Variants in CEP120 observed in about 807,000 individuals in gnomAD.
CEP120 encodes the protein centrosomal protein 120.
CEP120 carries 113 observed loss-of-function variants against 126.5 expected under a neutral mutation model. That is an observed-to-expected ratio of 0.89 (90% CI 0.77 to 1.04). The LOEUF (loss-of-function observed/expected upper bound fraction) is 1.04. Among genes scored for constraint, CEP120 ranks in the 50% least tolerant of loss-of-function variants. The probability of loss-of-function intolerance (pLI) is 0.00; values close to 1 mark genes in which losing one functional copy is unlikely to be tolerated. For synonymous variants in CEP120, 400 were observed against 394.3 expected (o/e 1.01, Z -0.17); for missense variants, 1,230 against 1,155.7 (o/e 1.06, Z -0.93).
chr5:123,422,967 A>T lies in CEP120; in HGVS notation c.32T>A (p.Val11Asp), dbSNP rs1330280997. The T allele has an allele frequency of 6.2e-7, 1 of 1,614,162 alleles. No individual in the cohort carries two copies. Among genetic ancestry groups the T allele is most frequent in the Non-Finnish European group, 8.5e-7 (1 of 1,180,006 alleles). ...CTGCTCACCTTCTAGGATGGACACG[A>T]CGATGAGCAATTGGTCGGATTTGGA... The part of the protein sequence containing the change: MVSKSDQLLI[V>D]VSILEGRHFP... The change falls in exon 1 of 20, where the codon GTC (valine) becomes GAC (aspartate). Residue 11 changes from valine to aspartate, a missense_variant. Val to Asp is a radical substitution (Grantham distance 152). Transcript: ENST00000306467.
chr5:123,401,949 G>C, intron 4 of CEP120: 1 of 1,578,474 alleles, frequency 6.3e-7, no homozygotes, highest in Non-Finnish European at 8.6e-7. Flanking sequence ...GTTGCTCCCG[G>C]CCGTCTTCTG....
chr5:123,373,285 CAGAG>C (rs1770973690), intron 16 of CEP120, among the ~76,000 whole-genome samples: 1 of 151,898 alleles, frequency 6.6e-6, no homozygotes, highest in Non-Finnish European at 1.5e-5. Context: ...GGAATAAAAA[CAGAG>C]AAAGAGATTA....
chr5:123,378,943 C>T (rs572813791), intron 14 of CEP120, among the ~76,000 whole-genome samples: 13 of 151,084 alleles, frequency 8.6e-5, no homozygotes, highest in African/African-American at 2.9e-4. Context: ...GTGGGACAAG[C>T]CAATAAAGCC....
intron 14 of CEP120, among the ~76,000 whole-genome samples, chr5:123,380,617 A>G (rs777139176): frequency 1.3e-5 from 2 of 152,124 alleles, no homozygotes; most frequent in African/African-American, 2.4e-5. Flanking sequence ...CACAAAGTGA[A>G]TTTGTCACGG....
chr5:123,419,242 T>G (rs1344819758), intron 1 of CEP120, among the ~76,000 whole-genome samples: 1 of 152,252 alleles, frequency 6.6e-6, no homozygotes, highest in Non-Finnish European at 1.5e-5. Flanking sequence ...ACACGAATTT[T>G]AGGTACTACT....
At chr5:123,392,926 A>G (rs1772501728) in intron 6 of CEP120, among the ~76,000 whole-genome samples, 2 of 152,360 alleles carry the variant, frequency 1.3e-5, no homozygotes, top group Non-Finnish European at 2.9e-5. Context: ...TAAGGCATAT[A>G]TATTTTGAAA....
chr5:123,378,994 C>G (rs184143797), intron 14 of CEP120, among the ~76,000 whole-genome samples: 19 of 151,386 alleles, frequency 1.3e-4, no homozygotes, highest in African/African-American at 4.1e-4. Context: ...GAAAGAGAGA[C>G]CAGTGAAGAC....
At chr5:123,348,654 T>TA (rs1768994417) in intron 19 of CEP120, among the ~76,000 whole-genome samples, 1 of 152,224 alleles carries the variant, frequency 6.6e-6, no homozygotes, top group Admixed American at 6.5e-5. Flanking sequence ...TACATGGAGA[T>TA]ATAATAAGAT....
chr5:123,390,244 G>C, intron 7 of CEP120, 104 bp from the exon 8 acceptor site: 2 of 867,714 alleles, frequency 2.3e-6, no homozygotes, highest in Non-Finnish European at 3.7e-6. Context: ...TCCTTTCCCA[G>C]TTTGGATATT....
At chr5:123,361,739 C>T (rs1770090259) in intron 18 of CEP120, among the ~76,000 whole-genome samples, 1 of 151,754 alleles carries the variant, frequency 6.6e-6, no homozygotes, top group South Asian at 2.1e-4. Flanking sequence ...TGACTGAACG[C>T]ACCACCACCA....
chr5:123,390,414 C>G (rs562994760), intron 7 of CEP120: 3 of 513,012 alleles, frequency 5.8e-6, no homozygotes, highest in African/African-American at 5.7e-5. Flanking sequence ...GCATAGGTGT[C>G]CCCGGGAATG....
In CEP120 at chr5:123,400,786, C is replaced by A. The variant is rs188177504; in HGVS notation, c.464-1502G>T. Reference sequence around the variant, plus strand: ...GGGGTCCCCAGGCAGTAAACTCCCCCGCGGGTGGACTGAGGCCTAGGGCTG... The same window carrying A: ...GGGGTCCCCAGGCAGTAAACTCCCCAGCGGGTGGACTGAGGCCTAGGGCTG... On this transcript the variant is annotated intron_variant, in intron 4 of 19. Coordinates refer to ENST00000306467, the MANE Select transcript of CEP120 (RefSeq NM_001375405.1). 4.3e-6 allele frequency: 3 copies of A among 701,492 alleles called. No homozygotes were observed. The Admixed American group carries it at 6.3e-5, about 15-fold the overall frequency. 43.5% of individuals were successfully genotyped at this position (701,492 alleles called of 1,614,324 possible).
At chr5:123,370,671 A>ATG (rs528627254) in intron 17 of CEP120, among the ~76,000 whole-genome samples, 4,041 of 89,240 alleles carry the variant, frequency 0.045, 176 homozygotes, top group African/African-American at 0.15. Flanking sequence ...ATATACATAT[A>ATG]TGTGTGTGTG....
chr5:123,359,769 A>C (rs533595543), intron 18 of CEP120, among the ~76,000 whole-genome samples: 79 of 152,102 alleles, frequency 5.2e-4, no homozygotes, highest in African/African-American at 1.8e-3. Context: ...ATCAAAAGAA[A>C]AGATTTTTTT....
chr5:123,399,402 T>C (rs1032108194), intron 4 of CEP120, 118 bp from the exon 5 acceptor site: 82 of 886,576 alleles, frequency 9.2e-5, no homozygotes, highest in Admixed American at 2.3e-4. Context: ...ACAGTTAATA[T>C]CTAATAAGGT....
chr5:123,362,530 C>T (rs1219069358), intron 18 of CEP120, among the ~76,000 whole-genome samples: 3 of 151,650 alleles, frequency 2.0e-5, no homozygotes, highest in Non-Finnish European at 3.0e-5. Context: ...TTCACTTTTG[C>T]ACCTACCTAA....
intron 6 of CEP120, among the ~76,000 whole-genome samples, chr5:123,392,501 C>G (rs575093102): frequency 6.6e-6 from 1 of 152,150 alleles, no homozygotes; most frequent in East Asian, 1.9e-4. Context: ...GTAATGCTTA[C>G]TAGGTAAGGT....
intron 18 of CEP120, among the ~76,000 whole-genome samples, chr5:123,364,246 A>C (rs1257995897): frequency 6.6e-6 from 1 of 151,632 alleles, no homozygotes; most frequent in Non-Finnish European, 1.5e-5. Context: ...AAAGTAAAAT[A>C]AATTATTCCC....
Position 123,406,412 on chromosome 5 carries a change from TGCTAG to T in CEP120, c.463+5982_463+5986del, listed in dbSNP as rs1160893542. ...AAATGCCAAAAAAAAAAAAACTTGC[TGCTAG>T]GCATCCCATATTAAAACATCAGAAA... On this transcript the variant is annotated intron_variant, in intron 4 of 19. Transcript: ENST00000306467. Among the ~76,000 whole-genome samples, 57 of 149,398 alleles carry T rather than the reference TGCTAG, an allele frequency of 3.8e-4. 1 individual carries two copies. The highest frequency in any genetic ancestry group is 6.0e-4 in the Admixed American group (9 of 15,044).
Sources: allele counts gnomAD v4.1 joint callset (sites outside exome capture counted in the v4.1 genomes callset), GRCh38; gene constraint gnomAD v4.1.1; transcripts MANE v1.5; gene names NCBI Gene and HGNC (gene_info 2026-07-23, HGNC 2026-07-21).